Variants in PRKN observed in about 807,000 individuals in gnomAD.
PRKN encodes E3 ubiquitin-protein ligase parkin.
In PRKN, 56 loss-of-function variants were observed where a neutral mutation model predicts 59.5. That is an observed-to-expected ratio of 0.94 (90% CI 0.76 to 1.18). The LOEUF is 1.18. Among genes scored for constraint, PRKN ranks in the 50% most tolerant of loss-of-function variants. PRKN has a pLI of 0.00. For synonymous variants in PRKN, 250 were observed against 222.1 expected (o/e 1.13, Z -1.12); for missense variants, 657 against 596.4 (o/e 1.10, Z -1.06).
At chr6:162,492,264 T>C (rs1312417600) in intron 1 of PRKN, among the ~76,000 whole-genome samples, 6 of 152,206 alleles carry the variant, frequency 3.9e-5, no homozygotes, top group Non-Finnish European at 5.9e-5. Context: ...ATAATTTGCA[T>C]TGAAGGGTGC....
intron 7 of PRKN, among the ~76,000 whole-genome samples, chr6:161,708,782 T>C (rs1786619441): frequency 6.6e-6 from 1 of 152,184 alleles, no homozygotes; most frequent in African/African-American, 2.4e-5. Flanking sequence ...CCAGGTTGCC[T>C]GTAAGCAGTG....
intron 3 of PRKN, among the ~76,000 whole-genome samples, chr6:162,256,905 A>G (rs889574894): frequency 4.6e-5 from 7 of 152,096 alleles, no homozygotes; most frequent in African/African-American, 1.4e-4. Flanking sequence ...AACTTCAACA[A>G]CCAATGCTGT....
chr6:162,598,948 CCAGA>C (rs1781593714), intron 1 of PRKN, among the ~76,000 whole-genome samples: 1 of 151,970 alleles, frequency 6.6e-6, no homozygotes, highest in African/African-American at 2.4e-5. Context: ...GCCCTTCCCT[CCAGA>C]CAAATTACAG....
intron 7 of PRKN, among the ~76,000 whole-genome samples, chr6:161,755,570 A>C (rs1439869044): frequency 3.9e-5 from 6 of 152,068 alleles, no homozygotes; most frequent in Non-Finnish European, 7.4e-5. Context: ...ACATGTACTT[A>C]AAACAGTGCC....
intron 4 of PRKN, among the ~76,000 whole-genome samples, chr6:162,177,042 C>CA (rs1292107985): frequency 6.7e-6 from 1 of 149,304 alleles, no homozygotes; most frequent in Non-Finnish European, 1.5e-5. Context: ...TACTCACACA[C>CA]AAAAAAATAA....
chr6:161,382,129 A>AAAAAAAAAAAAAC (rs1427911356), intron 10 of PRKN, among the ~76,000 whole-genome samples: 1 of 150,266 alleles, frequency 6.7e-6, no homozygotes, highest in East Asian at 1.9e-4. Flanking sequence ...AAAAAAAAAA[A>AAAAAAAAAAAAAC]AAAATCAAAA....
chr6:161,680,524 G>T (rs1305211175), intron 7 of PRKN, among the ~76,000 whole-genome samples: 1 of 151,784 alleles, frequency 6.6e-6, no homozygotes, highest in Non-Finnish European at 1.5e-5. Flanking sequence ...TTAATGCAAT[G>T]AGCATGCTGC....
At chr6:161,990,819 C>T (rs909716971) in intron 5 of PRKN, among the ~76,000 whole-genome samples, 1 of 152,112 alleles carries the variant, frequency 6.6e-6, no homozygotes, top group African/African-American at 2.4e-5. Flanking sequence ...TGATCAAAGA[C>T]ATGGAAAGCC....
chr6:162,178,942 G>A (rs1161028472), intron 4 of PRKN, among the ~76,000 whole-genome samples: 1 of 152,156 alleles, frequency 6.6e-6, no homozygotes, highest in Non-Finnish European at 1.5e-5. Context: ...TGCGATCACA[G>A]CTCGCAGCAG....
chr6:161,827,012 C>T (rs972073812), intron 6 of PRKN, among the ~76,000 whole-genome samples: 1 of 152,140 alleles, frequency 6.6e-6, no homozygotes, highest in Non-Finnish European at 1.5e-5. Context: ...AATGGGGAGG[C>T]TTAATTGTAG....
Position 161,843,114 on chromosome 6 carries a change from G to T in PRKN, c.735-57206C>A, listed in dbSNP as rs564968336. On this transcript the variant is annotated intron_variant, in intron 6 of 11. Coordinates refer to ENST00000366898, the MANE Select transcript of PRKN (RefSeq NM_004562.3). ...TAAATACAAAGATAAGGTTAATAAG[G>T]GTTAATAATTTATAGTCAGAAAAGT... Among the ~76,000 whole-genome samples the T allele has an allele frequency of 6.5e-4, 99 of 152,174 alleles. 3 individuals carry two copies. The South Asian group carries it at 0.02, about 31-fold the overall frequency.
intron 2 of PRKN, among the ~76,000 whole-genome samples, chr6:162,306,692 G>C (rs1292650676): frequency 6.6e-6 from 1 of 152,176 alleles, no homozygotes; most frequent in Admixed American, 6.6e-5. Flanking sequence ...CAGGCAGTGG[G>C]AGAATGAAGA....
intron 2 of PRKN, among the ~76,000 whole-genome samples, chr6:162,289,097 A>T (rs1232760418): frequency 1.3e-5 from 2 of 152,146 alleles, no homozygotes; most frequent in African/African-American, 2.4e-5. Flanking sequence ...AACAACAGAA[A>T]TGCACTGTCT....
chr6:161,645,883 C>A (rs1215222824), intron 7 of PRKN, among the ~76,000 whole-genome samples: 4 of 152,262 alleles, frequency 2.6e-5, no homozygotes, highest in Admixed American at 2.0e-4. Context: ...TCAGCCATGC[C>A]AGCGCAGGTG....
chr6:162,101,434 C>T (rs1024921898), intron 4 of PRKN, among the ~76,000 whole-genome samples: 1 of 151,658 alleles, frequency 6.6e-6, no homozygotes, highest in East Asian at 2.0e-4. Flanking sequence ...TTTGGGAGGC[C>T]GAGTCGGGCG....
rs1029867852 is a variant in PRKN, at chr6:162,162,834, C to T, written c.534+38297G>A. 3.5e-4 allele frequency among the ~76,000 whole-genome samples: 52 copies of T among 148,240 alleles called. 6 individuals are homozygous for T. Among genetic ancestry groups the T allele is most frequent in the African/African-American group, 1.3e-3 (52 of 39,240 alleles). On this transcript the variant is annotated intron_variant, in intron 4 of 11. Transcript: ENST00000366898. ...ACCAGCCTGGCCAATATGGTGAAAC[C>T]CCATCTCTACTAAAAATACAAAAAT...
chr6:161,691,993 T>C (rs1785816439), intron 7 of PRKN, among the ~76,000 whole-genome samples: 2 of 151,206 alleles, frequency 1.3e-5, no homozygotes, highest in African/African-American at 2.4e-5. Flanking sequence ...TGCCGATTTG[T>C]GGACTATCCT....
rs193067638 is a variant in PRKN at position 161,549,839 on chromosome 6, C to T, written c.934-836G>A. 1.1e-4 allele frequency among the ~76,000 whole-genome samples: 17 copies of T among 152,240 alleles called. No individual in the cohort carries two copies. Among genetic ancestry groups the T allele is most frequent in the South Asian group, 2.1e-4 (1 of 4,824 alleles). ...TACTACATTCCAGACTCTATCGAGGCGCTGGGGATACAGCAGTGAATGAAC... is the reference window on the plus strand; with the variant it reads ...TACTACATTCCAGACTCTATCGAGGTGCTGGGGATACAGCAGTGAATGAAC... On this transcript the variant is annotated intron_variant, in intron 8 of 11. Transcript: ENST00000366898. The surrounding 1 kb of genome is among the most constrained non-coding windows in gnomAD (Gnocchi z 6.0).
At chr6:162,648,386 T>TTC (rs1214054811) in intron 1 of PRKN, among the ~76,000 whole-genome samples, 4 of 150,692 alleles carry the variant, frequency 2.7e-5, no homozygotes, top group Admixed American at 6.6e-5. Flanking sequence ...TGTTCTTTCT[T>TTC]TTTTTATTTT....
Sources: allele counts gnomAD v4.1 joint callset (sites outside exome capture counted in the v4.1 genomes callset), GRCh38; gene constraint gnomAD v4.1.1; non-coding constraint Gnocchi (gnomAD v3.1); transcripts MANE v1.5; gene names NCBI Gene and HGNC (gene_info 2026-07-23, HGNC 2026-07-21).